The following SPAG1 variants were observed in gnomAD, a reference collection of about 807,000 sequenced individuals.
The protein encoded by SPAG1 is sperm associated antigen 1, also known as sperm-associated antigen 1.
A neutral mutation model predicts 100.5 loss-of-function variants in SPAG1; 69 were observed. The ratio of observed to expected loss-of-function variants is 0.69; its 90% CI spans 0.57 to 0.84. The LOEUF is 0.84. Among genes scored for constraint, SPAG1 ranks in the 40% least tolerant of loss-of-function variants. The pLI is 0.00. For synonymous variants in SPAG1, 336 were observed against 411.6 expected, an observed-to-expected ratio of 0.82 and a Z score of 2.22; for missense variants, 955 against 1,133.1, an observed-to-expected ratio of 0.84 and a Z score of 2.26.
chr8:100,203,862 T>C (rs1586473811), intron 10 of SPAG1, among the ~76,000 whole-genome samples: 2 of 152,208 alleles, frequency 1.3e-5, no homozygotes, highest in Admixed American at 1.3e-4. Flanking sequence ...GCTCTCATCA[T>C]GCGAGTGGCT....
Position 100,191,511 on chromosome 8 carries a change from T to C in SPAG1, c.939+15T>C, listed in dbSNP as rs750374229. On this transcript the variant is annotated intron_variant, in intron 9 of 18. Transcript: ENST00000388798. Reference sequence around the variant, plus strand: ...ATTTGGCCAAGGTAAGTATAGAATGTGATTTCTCACCTAATTCTGTAGTTG... The same window carrying C: ...ATTTGGCCAAGGTAAGTATAGAATGCGATTTCTCACCTAATTCTGTAGTTG... The C allele has an allele frequency of 1.7e-5, 26 of 1,517,012 alleles. No individual in the cohort carries two copies. The African/African-American group carries it at 2.7e-4, about 16-fold the overall frequency. 94.0% of individuals were successfully genotyped at this position (1,517,012 alleles called of 1,614,324 possible). A position where few individuals can be genotyped will look rare whatever the true frequency, so the allele number is the denominator to read the frequency against.
rs1818753539 is a variant in SPAG1 at position 100,231,197 on chromosome 8, T to C, written c.1897T>C (p.Cys633Arg). 2 of 1,607,938 alleles carry C rather than the reference T, an allele frequency of 1.2e-6. No individual in the cohort carries two copies. The highest frequency in any genetic ancestry group is 1.7e-6 in the Non-Finnish European group (2 of 1,176,208). Residue 633 changes from cysteine (C) to arginine (R), a missense_variant, in exon 15 of 19, where the codon TGT (cysteine) becomes CGT (arginine). Physicochemically the swap from Cys to Arg is radical, Grantham distance 180. Coordinates refer to ENST00000388798, the MANE Select transcript of SPAG1 (RefSeq NM_003114.5). ...FKALKEEGNQ[C>R]VNDKNYKDAL... ...AGCCCTTAAGGAAGAAGGAAATCAA[T>C]GTGTAAATGACAAAAACTATAAAGA...
At chr8:100,203,897 C>T (rs924355270) in intron 10 of SPAG1, among the ~76,000 whole-genome samples, 1 of 152,170 alleles carries the variant, frequency 6.6e-6, no homozygotes, top group Non-Finnish European at 1.5e-5. Flanking sequence ...GGTGCGTGCA[C>T]AGCCTTGCCA....
At chr8:100,223,650 C>T (rs540437106) in intron 13 of SPAG1, among the ~76,000 whole-genome samples, 1 of 150,878 alleles carries the variant, frequency 6.6e-6, no homozygotes, top group East Asian at 1.9e-4. Flanking sequence ...ATATGCCTCT[C>T]TTCCTCTCCA....
Position 100,213,281 on chromosome 8 carries a change from G to T in SPAG1, c.1288G>T (p.Gly430Cys). The change falls in exon 11 of 19, where the codon GGC becomes TGC. Residue 430 changes from glycine to cysteine, a missense_variant. Coordinates refer to ENST00000388798, the MANE Select transcript of SPAG1 (RefSeq NM_003114.5). Reference protein sequence around the residue: ...RRASAAAAAGGGATGHPGGGQ... With the variant: ...RRASAAAAAGCGATGHPGGGQ... ...GGCCTCTGCGGCGGCGGCGGCGGGC[G>T]GCGGCGCCACCGGGCATCCGGGCGG... is the stretch of plus-strand genomic sequence containing the variant. The T allele has an allele frequency of 8.2e-7, 1 of 1,216,280 alleles. No homozygotes were observed. 75.3% of individuals were successfully genotyped at this position (1,216,280 alleles called of 1,614,324 possible).
intron 7 of SPAG1, among the ~76,000 whole-genome samples, chr8:100,186,060 C>CT (rs71274962): frequency 0.46 from 41,282 of 90,124 alleles, 11,481 homozygotes; most frequent in African/African-American, 0.71. Flanking sequence ...TGGGCAGATT[C>CT]TTTTTTTTTT....
intron 12 of SPAG1, among the ~76,000 whole-genome samples, chr8:100,215,157 C>T (rs1404817852): frequency 6.6e-6 from 1 of 151,136 alleles, no homozygotes; most frequent in African/African-American, 2.4e-5. Flanking sequence ...AAATCTCTGC[C>T]TGTCCCCCTC....
chr8:100,171,254 G>A (rs903468433), intron 3 of SPAG1, among the ~76,000 whole-genome samples: 16 of 152,064 alleles, frequency 1.1e-4, no homozygotes, highest in South Asian at 2.1e-4. Context: ...AAAATTTTGC[G>A]AAGGATTTTT....
At chr8:100,161,098 G>A (rs1313352126) in intron 1 of SPAG1, among the ~76,000 whole-genome samples, 1 of 152,152 alleles carries the variant, frequency 6.6e-6, no homozygotes, top group Non-Finnish European at 1.5e-5. Flanking sequence ...CCAGCACTTT[G>A]GAAGGCCAAA....
chr8:100,210,287 G>T (rs1262775514), intron 10 of SPAG1, among the ~76,000 whole-genome samples: 1 of 150,962 alleles, frequency 6.6e-6, no homozygotes, highest in African/African-American at 2.4e-5. Context: ...TACTTTTTCT[G>T]TTAATGAGGT....
intron 10 of SPAG1, among the ~76,000 whole-genome samples, chr8:100,198,588 G>A (rs902620628): frequency 1.3e-5 from 2 of 152,084 alleles, no homozygotes; most frequent in African/African-American, 4.8e-5. Flanking sequence ...AGAAAAAATA[G>A]TACCCTTTGT....
chr8:100,225,033 CAG>C lies in SPAG1; in HGVS notation c.1689-138_1689-137del, dbSNP rs1324049306. 7 of 545,090 alleles carry C rather than the reference CAG, an allele frequency of 1.3e-5. No individual in the cohort carries two copies. In the East Asian group the frequency reaches 1.8e-4, roughly 14 times the overall value. 33.8% of individuals were successfully genotyped at this position (545,090 alleles called of 1,614,324 possible). A position where few individuals can be genotyped will look rare whatever the true frequency, so the allele number is the denominator to read the frequency against. On this transcript the variant is annotated intron_variant, in intron 13 of 18. Coordinates refer to ENST00000388798, the MANE Select transcript of SPAG1 (RefSeq NM_003114.5). Reference sequence around the variant, plus strand: ...TCTTTTTGAAAACAGTTTATACGGACAGAAAATGCTCAGGATTGCATGTTTTC... The same window carrying C: ...TCTTTTTGAAAACAGTTTATACGGACAAAATGCTCAGGATTGCATGTTTTC...
At chr8:100,212,930 T>A (rs1817777814) in intron 10 of SPAG1, among the ~76,000 whole-genome samples, 160 bp from the exon 11 acceptor site, 1 of 151,900 alleles carries the variant, frequency 6.6e-6, no homozygotes, top group Non-Finnish European at 1.5e-5. Context: ...CGACTGGCTC[T>A]AGAGGTCCGG....
At chr8:100,167,710 C>T (rs939462775) in intron 3 of SPAG1, among the ~76,000 whole-genome samples, 18 of 152,150 alleles carry the variant, frequency 1.2e-4, no homozygotes, top group African/African-American at 4.3e-4. Flanking sequence ...AATTTACATT[C>T]CATATAAATT....
chr8:100,221,289 T>C (rs1450524757), intron 13 of SPAG1, among the ~76,000 whole-genome samples: 1 of 152,166 alleles, frequency 6.6e-6, no homozygotes, highest in African/African-American at 2.4e-5. Context: ...TATGCCCTTG[T>C]AAATAGACAC....
Position 100,190,934 on chromosome 8 carries a change from T to C in SPAG1, c.833-456T>C, listed in dbSNP as rs1022346755. Among the ~76,000 whole-genome samples the C allele has an allele frequency of 1.7e-4, 26 of 152,086 alleles. 1 individual carries two copies. The highest frequency in any genetic ancestry group is 7.4e-5 in the Non-Finnish European group (5 of 68,000). Reference sequence around the variant, plus strand: ...ATCTGCCCACCTCAGGCCCCCAAATTGTTGGGATTACAGGTGTGAGCCACT... The same window carrying C: ...ATCTGCCCACCTCAGGCCCCCAAATCGTTGGGATTACAGGTGTGAGCCACT... On this transcript the variant is annotated intron_variant, in intron 8 of 18. Coordinates refer to ENST00000388798, the MANE Select transcript of SPAG1 (RefSeq NM_003114.5).
In SPAG1 at chr8:100,203,798, G is replaced by A. The variant is rs543852597; in HGVS notation, c.1097-9292G>A. On this transcript the variant is annotated intron_variant, in intron 10 of 18. Transcript: ENST00000388798. ...CAAATCTGCCAAGATTGCCCTGAGT[G>A]AGAGTCTTATCTCCTGTAGAGAAAG... 4.6e-5 allele frequency among the ~76,000 whole-genome samples: 7 copies of A among 152,316 alleles called. No homozygotes were observed. In the East Asian group the frequency reaches 1.3e-3, roughly 29 times the overall value.
chr8:100,230,922 T>A (rs1447535218), intron 14 of SPAG1, among the ~76,000 whole-genome samples: 1 of 152,168 alleles, frequency 6.6e-6, no homozygotes, highest in Non-Finnish European at 1.5e-5. Context: ...CACCCGGCAC[T>A]TGTATCTTAT....
At chr8:100,181,421 T>C (rs1816362234) in intron 4 of SPAG1, among the ~76,000 whole-genome samples, 1 of 152,226 alleles carries the variant, frequency 6.6e-6, no homozygotes, top group African/African-American at 2.4e-5. Context: ...ATACCCCTGA[T>C]TTTGAATCAA....
Sources: allele counts gnomAD v4.1 joint callset (sites outside exome capture counted in the v4.1 genomes callset), GRCh38; gene constraint gnomAD v4.1.1; transcripts MANE v1.5; gene names NCBI Gene and HGNC (gene_info 2026-07-23, HGNC 2026-07-21).